The following GUCY1A2 variants were observed in gnomAD, a reference collection of about 807,000 sequenced individuals.
The protein encoded by GUCY1A2 is guanylate cyclase soluble subunit alpha-2.
A neutral mutation model predicts 63.5 loss-of-function variants in GUCY1A2; 27 were observed. That is an observed-to-expected ratio of 0.43 (90% CI 0.31 to 0.59). The LOEUF is 0.59. Among genes scored for constraint, GUCY1A2 ranks in the 20% least tolerant of loss-of-function variants. The probability of loss-of-function intolerance (pLI) is 0.11; values close to 1 mark genes in which losing one functional copy is unlikely to be tolerated. For missense variants in GUCY1A2, 768 were observed against 913.3 expected, an observed-to-expected ratio of 0.84 and a Z score of 2.05; for synonymous variants, 364 against 343.5, an observed-to-expected ratio of 1.06 and a Z score of -0.66.
At chr11:106,948,685 AT>A (rs1275019180) in intron 3 of GUCY1A2, among the ~76,000 whole-genome samples, 1 of 152,198 alleles carries the variant, frequency 6.6e-6, no homozygotes, top group Non-Finnish European at 1.5e-5. Flanking sequence ...TGAAAATAAA[AT>A]AACCAGTAAA....
intron 6 of GUCY1A2, among the ~76,000 whole-genome samples, chr11:106,725,964 A>G (rs955634834): frequency 3.9e-5 from 6 of 152,116 alleles, no homozygotes; most frequent in African/African-American, 9.7e-5. Context: ...ACCCATTGCA[A>G]TACCCCATTT....
At chr11:106,725,635 G>C (rs1157353408) in intron 6 of GUCY1A2, among the ~76,000 whole-genome samples, 3 of 152,102 alleles carry the variant, frequency 2.0e-5, no homozygotes, top group African/African-American at 7.2e-5. Context: ...ATCATGTATA[G>C]TATATGGTAA....
chr11:106,755,359 C>G (rs1202841846), intron 6 of GUCY1A2, among the ~76,000 whole-genome samples: 1 of 151,926 alleles, frequency 6.6e-6, no homozygotes, highest in Admixed American at 6.6e-5. Context: ...CAATTCTGCT[C>G]TCATCTTAGT....
intron 6 of GUCY1A2, among the ~76,000 whole-genome samples, chr11:106,717,600 A>G (rs1240487005): frequency 6.6e-6 from 1 of 152,222 alleles, no homozygotes; most frequent in Non-Finnish European, 1.5e-5. Flanking sequence ...TTTAGTAGAA[A>G]AAGCCCGTAA....
At chr11:106,829,202 T>C (rs1335326036) in intron 4 of GUCY1A2, among the ~76,000 whole-genome samples, 1 of 152,222 alleles carries the variant, frequency 6.6e-6, no homozygotes, top group Non-Finnish European at 1.5e-5. Context: ...TTTATCGTCC[T>C]GCAGTGGTGT....
Position 106,787,415 on chromosome 11 carries a change from G to GTTATT in GUCY1A2, c.1693-10834_1693-10833insAATAA, listed in dbSNP as rs1555032099. ...GAACGTGGGAAATTTGCCTTACTTT[G>GTTATT]TTTTTTTTTTTGCTTGAAAACTTTA... On this transcript the variant is annotated intron_variant, in intron 5 of 7. Transcript: ENST00000526355. 3.6e-4 allele frequency among the ~76,000 whole-genome samples: 49 copies of GTTATT among 135,962 alleles called. 1 individual carries two copies. Among genetic ancestry groups the GTTATT allele is most frequent in the African/African-American group, 1.3e-3 (46 of 35,802 alleles). 89.2% of individuals were successfully genotyped at this position (135,962 alleles called of 152,430 possible).
At chr11:106,944,789 C>A (rs1317483064) in intron 3 of GUCY1A2, among the ~76,000 whole-genome samples, 1 of 152,154 alleles carries the variant, frequency 6.6e-6, no homozygotes, top group East Asian at 1.9e-4. Flanking sequence ...CCACATCTAA[C>A]AAGTGCAGTA....
At chr11:106,807,242 ATTCT>A (rs934863824) in intron 5 of GUCY1A2, among the ~76,000 whole-genome samples, 1 of 152,126 alleles carries the variant, frequency 6.6e-6, no homozygotes, top group African/African-American at 2.4e-5. Context: ...CACCTCTGGG[ATTCT>A]TTGTTTCAAT....
intron 4 of GUCY1A2, among the ~76,000 whole-genome samples, chr11:106,885,366 T>C (rs939910412): frequency 6.6e-6 from 1 of 152,122 alleles, no homozygotes; most frequent in South Asian, 2.1e-4. Context: ...CACCACACAA[T>C]TGATCTGTCC....
intron 7 of GUCY1A2, among the ~76,000 whole-genome samples, chr11:106,693,304 TCTC>T (rs1283613250): frequency 6.6e-6 from 1 of 152,196 alleles, no homozygotes; most frequent in African/African-American, 2.4e-5. Context: ...GAATTGACTT[TCTC>T]CTCAGTATTT....
chr11:106,907,935 TATAA>T (rs1228939309), intron 4 of GUCY1A2, among the ~76,000 whole-genome samples: 1 of 152,156 alleles, frequency 6.6e-6, no homozygotes, highest in Non-Finnish European at 1.5e-5. Flanking sequence ...CTCAAGAAGA[TATAA>T]ATAGAGTTTC....
At chr11:106,969,165 T>G (rs1156472066) in intron 3 of GUCY1A2, among the ~76,000 whole-genome samples, 1 of 152,178 alleles carries the variant, frequency 6.6e-6, no homozygotes, top group Non-Finnish European at 1.5e-5. Flanking sequence ...ACATCTTTAT[T>G]GTGACACATA....
At position 106,678,316 on chromosome 11, in the gene GUCY1A2, T is replaced by G. The variant is rs1862379173; in HGVS notation, c.*9233A>C. The G allele has an allele frequency of 4.8e-6, 1 of 206,744 alleles. No homozygotes were observed. Among genetic ancestry groups the G allele is most frequent in the African/African-American group, 2.3e-5 (1 of 43,824 alleles). 12.8% of individuals were successfully genotyped at this position (206,744 alleles called of 1,614,324 possible). A position where few individuals can be genotyped will look rare whatever the true frequency, so the allele number is the denominator to read the frequency against. On this transcript the variant is annotated 3_prime_UTR_variant, in exon 8 of 8. Transcript: ENST00000526355. ...AGTTTTGGTTTCAGTGTGGTAATTT[T>G]TACCAAAAAAATTCAGAAGGAGGGT...
chr11:106,834,127 T>C (rs983632406), intron 4 of GUCY1A2, among the ~76,000 whole-genome samples: 2 of 152,154 alleles, frequency 1.3e-5, no homozygotes, highest in East Asian at 1.9e-4. Context: ...ACATTAACTA[T>C]AGCCATCATG....
In GUCY1A2 at chr11:107,018,047, T is replaced by C. The variant is rs1861852710; in HGVS notation, c.9A>G (p.Arg3=). Residue 3 remains arginine (R), a synonymous_variant, in exon 1 of 8, where the codon CGA becomes CGG. Coordinates refer to ENST00000526355, the MANE Select transcript of GUCY1A2 (RefSeq NM_000855.3). MS[R]RKISSESFSS... ...TGAAGGACTCGGACGAAATCTTCCTTCGAGACATGCTGCCGGCGGAGCTGC... is the reference window on the plus strand; with the variant it reads ...TGAAGGACTCGGACGAAATCTTCCTCCGAGACATGCTGCCGGCGGAGCTGC... 6.8e-7 allele frequency: 1 copy of C among 1,461,880 alleles called. No homozygotes were observed. The highest frequency in any genetic ancestry group is 9.1e-7 in the Non-Finnish European group (1 of 1,094,950). 90.6% of individuals were successfully genotyped at this position (1,461,880 alleles called of 1,614,324 possible). A position where few individuals can be genotyped will look rare whatever the true frequency, so the allele number is the denominator to read the frequency against.
chr11:106,927,202 T>A (rs1184309223), intron 4 of GUCY1A2, among the ~76,000 whole-genome samples: 1 of 151,418 alleles, frequency 6.6e-6, no homozygotes, highest in African/African-American at 2.4e-5. Context: ...TGAAACCCTG[T>A]CTCTACTAAA....
At chr11:106,847,663 A>G (rs534736039) in intron 4 of GUCY1A2, among the ~76,000 whole-genome samples, 1 of 151,652 alleles carries the variant, frequency 6.6e-6, no homozygotes, top group South Asian at 2.1e-4. Context: ...AAAAAAGTAA[A>G]CTATTAATTA....
rs1861855038 is a variant in GUCY1A2 at position 107,018,140 on chromosome 11, G to C, written c.-85C>G. 5 of 900,558 alleles carry C rather than the reference G, an allele frequency of 5.6e-6. No homozygotes were observed. In the South Asian group the frequency reaches 1.5e-4, roughly 28 times the overall value. 55.8% of individuals were successfully genotyped at this position (900,558 alleles called of 1,614,324 possible). On this transcript the variant is annotated 5_prime_UTR_variant, in exon 1 of 8. Coordinates refer to ENST00000526355, the MANE Select transcript of GUCY1A2 (RefSeq NM_000855.3). ...GGCGGCGGTGGCGGGACCGGCAAGC[G>C]ACAACGTTAAGCGCGTCGGGGCCGC...
intron 5 of GUCY1A2, among the ~76,000 whole-genome samples, chr11:106,804,592 G>A (rs1183548470): frequency 6.6e-6 from 1 of 151,902 alleles, no homozygotes; most frequent in Non-Finnish European, 1.5e-5. Context: ...CTAGAGGCTG[G>A]CTGAAGGTCC....
Sources: allele counts gnomAD v4.1 joint callset (sites outside exome capture counted in the v4.1 genomes callset), GRCh38; gene constraint gnomAD v4.1.1; transcripts MANE v1.5; gene names NCBI Gene and HGNC (gene_info 2026-07-23, HGNC 2026-07-21).